The following ZFAT variants were observed in gnomAD, a reference collection of about 807,000 sequenced individuals.
The protein encoded by ZFAT is zinc finger protein ZFAT.
Under a neutral mutation model 117.7 loss-of-function variants are expected in ZFAT, and 64 were observed. The ratio of observed to expected loss-of-function variants is 0.54; its 90% CI spans 0.44 to 0.67. The LOEUF is 0.67. ZFAT is among the 30% of genes least tolerant of loss of function. The pLI, the probability that ZFAT is intolerant of heterozygous loss-of-function variation, is 0.00. For synonymous variants in ZFAT, 679 were observed against 615.0 expected (o/e 1.10, Z -1.54); for missense variants, 1,433 against 1,584.5 (o/e 0.90, Z 1.62).
intron 1 of ZFAT, among the ~76,000 whole-genome samples, chr8:134,687,760 T>C (rs1833396925): frequency 6.6e-6 from 1 of 152,084 alleles, no homozygotes; most frequent in Non-Finnish European, 1.5e-5. Flanking sequence ...ACATCAAAAG[T>C]AAAAGGAGCA....
At chr8:134,775,158 A>G in the ZFAT span, among the ~76,000 whole-genome samples, 5 of 152,102 alleles carry the variant, frequency 3.3e-5, no homozygotes, top group African/African-American at 7.2e-5. Context: ...AAAAACAAAA[A>G]AAACACAGTC....
chr8:134,722,216 G>A, the ZFAT span, among the ~76,000 whole-genome samples: 2 of 152,240 alleles, frequency 1.3e-5, no homozygotes, highest in African/African-American at 2.4e-5. Context: ...GAAGATGTGG[G>A]AGGCACACCT....
At chr8:134,777,241 T>A in the ZFAT span, among the ~76,000 whole-genome samples, 2 of 152,152 alleles carry the variant, frequency 1.3e-5, no homozygotes, top group Non-Finnish European at 2.9e-5. Flanking sequence ...GGACACTGAA[T>A]AGAGATTAGT....
At chr8:134,686,852 T>A (rs1833348424) in intron 1 of ZFAT, among the ~76,000 whole-genome samples, 1 of 152,218 alleles carries the variant, frequency 6.6e-6, no homozygotes, top group Non-Finnish European at 1.5e-5. Flanking sequence ...AATGGATGGA[T>A]TCTGCATACG....
chr8:134,569,276 T>C (rs1271361254), intron 10 of ZFAT, among the ~76,000 whole-genome samples: 1 of 152,042 alleles, frequency 6.6e-6, no homozygotes, highest in East Asian at 1.9e-4. Context: ...GCTTCAAATA[T>C]AAGCTTATTT....
chr8:134,757,678 A>G, the ZFAT span, among the ~76,000 whole-genome samples: 16 of 152,308 alleles, frequency 1.1e-4, no homozygotes, highest in East Asian at 2.9e-3. Context: ...CAGGGTACCA[A>G]TGATTTGATG....
chr8:134,504,812 C>T (rs183292705), intron 15 of ZFAT, among the ~76,000 whole-genome samples: 42 of 152,294 alleles, frequency 2.8e-4, no homozygotes, highest in Non-Finnish European at 5.0e-4. Context: ...CAAGTCATTA[C>T]TCTATGCAGG....
At chr8:134,718,656 C>T in the ZFAT span, among the ~76,000 whole-genome samples, 1 of 152,082 alleles carries the variant, frequency 6.6e-6, no homozygotes, top group East Asian at 1.9e-4. Flanking sequence ...CAGAGCCTAG[C>T]ACTGTTGGGT....
chr8:134,828,014 T>C, the ZFAT span, among the ~76,000 whole-genome samples: 1 of 152,206 alleles, frequency 6.6e-6, no homozygotes, highest in African/African-American at 2.4e-5. Flanking sequence ...TAAACTGCAG[T>C]AGTATACTCA....
chr8:134,712,007 G>C (rs1230980654), intron 1 of ZFAT, among the ~76,000 whole-genome samples: 1 of 152,210 alleles, frequency 6.6e-6, no homozygotes, highest in East Asian at 1.9e-4. Context: ...AGCAAAAAAA[G>C]CCAGACTGAT....
the ZFAT span, among the ~76,000 whole-genome samples, chr8:134,721,491 G>C: frequency 6.6e-6 from 1 of 152,156 alleles, no homozygotes; most frequent in Non-Finnish European, 1.5e-5. Flanking sequence ...CTGCACTCGG[G>C]TGTTTATAGT....
At chr8:134,521,102 A>C in intron 12 of ZFAT, 101 bp from the exon 13 acceptor site, 1 of 809,066 alleles carries the variant, frequency 1.2e-6, no homozygotes, top group South Asian at 1.7e-5. Context: ...AGTAAGTATT[A>C]TTTTGTCTCC....
At position 134,538,595 on chromosome 8, in the gene ZFAT, G is replaced by A. The variant is rs143667212; in HGVS notation, c.2977-5623C>T. On this transcript the variant is annotated intron_variant, in intron 11 of 15. Transcript: ENST00000377838. ...GGCAGATCACTTAGGTCAGGAGTTC[G>A]AGACCAGCCTGGGTAACATGGCGAA... Among the ~76,000 whole-genome samples the A allele has an allele frequency of 7.6e-3, 1,158 of 152,098 alleles. 26 individuals are homozygous for A. The highest frequency in any genetic ancestry group is 0.027 in the African/African-American group (1,100 of 41,506).
At chr8:134,492,149 C>G (rs1365018974) in intron 15 of ZFAT, among the ~76,000 whole-genome samples, 7 of 151,888 alleles carry the variant, frequency 4.6e-5, no homozygotes, top group Admixed American at 3.9e-4. Context: ...GGCTGAGACT[C>G]CACGTGCTAC....
chr8:134,580,716 G>A (rs1160827352), intron 10 of ZFAT, among the ~76,000 whole-genome samples: 1 of 152,172 alleles, frequency 6.6e-6, no homozygotes, highest in Non-Finnish European at 1.5e-5. Flanking sequence ...TTCTGGCACT[G>A]CAAAATAAAA....
chr8:134,497,789 T>C (rs1390406278), intron 15 of ZFAT, among the ~76,000 whole-genome samples: 2 of 119,866 alleles, frequency 1.7e-5, no homozygotes, highest in African/African-American at 6.4e-5. Flanking sequence ...TTGGTAGGGT[T>C]GGGGTGGAGC....
the ZFAT span, among the ~76,000 whole-genome samples, chr8:134,815,168 G>A: frequency 6.6e-6 from 1 of 152,290 alleles, no homozygotes; most frequent in South Asian, 2.1e-4. Context: ...TGAAACCAGA[G>A]TTGTACTTTT....
At chr8:134,684,784 T>A (rs901776004) in intron 1 of ZFAT, among the ~76,000 whole-genome samples, 1 of 152,166 alleles carries the variant, frequency 6.6e-6, no homozygotes, top group African/African-American at 2.4e-5. Flanking sequence ...AACGAGAAAC[T>A]TGGTAAGTGT....
intron 3 of ZFAT, among the ~76,000 whole-genome samples, chr8:134,634,936 C>T (rs181873226): frequency 1.1e-4 from 16 of 152,244 alleles, no homozygotes; most frequent in Admixed American, 9.8e-4. Context: ...ACTGTTCCAC[C>T]TCAGATCTCA....
Sources: allele counts gnomAD v4.1 joint callset (sites outside exome capture counted in the v4.1 genomes callset), GRCh38; gene constraint gnomAD v4.1.1; transcripts MANE v1.5; gene names NCBI Gene and HGNC (gene_info 2026-07-23, HGNC 2026-07-21).